NDUFA12: variants seen among roughly 807,000 people sequenced by gnomAD.
NDUFA12 encodes NADH:ubiquinone oxidoreductase subunit A12.
In NDUFA12, 17 loss-of-function variants were observed where a neutral mutation model predicts 20.3. The observed-to-expected ratio is 0.84, with a 90% CI of 0.57 to 1.26. The LOEUF (loss-of-function observed/expected upper bound fraction) is 1.26, where lower values mean the gene tolerates loss of function less well. Among genes scored for constraint, NDUFA12 ranks in the 50% most tolerant of loss-of-function variants. The probability of loss-of-function intolerance (pLI) is 0.00; values close to 1 mark genes in which losing one functional copy is unlikely to be tolerated. For missense variants in NDUFA12, 191 were observed against 183.7 expected (o/e 1.04, Z -0.23); for synonymous variants, 72 against 63.6 (o/e 1.13, Z -0.63).
At chr12:94,984,886 G>A (rs1874366669) in intron 3 of NDUFA12, among the ~76,000 whole-genome samples, 2 of 150,230 alleles carry the variant, frequency 1.3e-5, no homozygotes. Context: ...GCTGAGGCAG[G>A]AGAATTGCTT....
At chr12:94,974,611 T>C (rs1334032889) in intron 3 of NDUFA12, among the ~76,000 whole-genome samples, 2 of 152,100 alleles carry the variant, frequency 1.3e-5, no homozygotes, top group Non-Finnish European at 2.9e-5. Context: ...TGTCAACAGA[T>C]GAATGAGTAA....
At chr12:94,995,834 G>A (rs1874807155) in intron 2 of NDUFA12, among the ~76,000 whole-genome samples, 1 of 152,026 alleles carries the variant, frequency 6.6e-6, no homozygotes, top group Non-Finnish European at 1.5e-5. Context: ...GATAGTAACA[G>A]GATTGAAGAA....
chr12:94,979,094 C>T (rs1164436766), intron 3 of NDUFA12, among the ~76,000 whole-genome samples: 9 of 152,142 alleles, frequency 5.9e-5, no homozygotes, highest in Admixed American at 5.9e-4. Context: ...CTTTAAAAAA[C>T]ATTCCTCTGT....
At chr12:94,981,269 AATAC>A (rs10685216) in intron 3 of NDUFA12, among the ~76,000 whole-genome samples, 307 of 149,084 alleles carry the variant, frequency 2.1e-3, no homozygotes, top group African/African-American at 7.1e-3. Context: ...GTCTCTACTA[AATAC>A]ATACATACAT....
chr12:94,985,736 A>C (rs1874413353), intron 3 of NDUFA12, among the ~76,000 whole-genome samples: 1 of 151,912 alleles, frequency 6.6e-6, no homozygotes, highest in Non-Finnish European at 1.5e-5. Context: ...ATTGTCACTA[A>C]TCATCAGGGA....
At chr12:94,999,901 A>G (rs948231339) in intron 2 of NDUFA12, among the ~76,000 whole-genome samples, 1 of 152,240 alleles carries the variant, frequency 6.6e-6, no homozygotes, top group Non-Finnish European at 1.5e-5. Flanking sequence ...TACAACAACT[A>G]TGGAAAACAG....
intron 3 of NDUFA12, among the ~76,000 whole-genome samples, chr12:94,991,163 G>A (rs1011916640): frequency 6.6e-6 from 1 of 152,032 alleles, no homozygotes. Context: ...CCACATGCCT[G>A]TAGTCCCAGC....
chr12:94,989,032 G>A (rs1188440487), intron 3 of NDUFA12, among the ~76,000 whole-genome samples: 2 of 152,078 alleles, frequency 1.3e-5, no homozygotes, highest in African/African-American at 4.8e-5. Context: ...AACAGACCAA[G>A]CAATACATCT....
At chr12:94,981,380 C>T (rs111809657) in intron 3 of NDUFA12, among the ~76,000 whole-genome samples, 11,061 of 152,180 alleles carry the variant, frequency 0.073, 472 homozygotes, top group Middle Eastern at 0.18. Flanking sequence ...CCCAGGAGGT[C>T]GAGGCTGCAG....
intron 3 of NDUFA12, among the ~76,000 whole-genome samples, chr12:94,988,072 C>CT (rs1192619467): frequency 6.6e-6 from 1 of 152,152 alleles, no homozygotes; most frequent in Non-Finnish European, 1.5e-5. Context: ...TGTTCTACTC[C>CT]TTGTCCAATT....
intron 3 of NDUFA12, chr12:94,971,841 C>T (rs2136056444): frequency 1.4e-6 from 1 of 718,278 alleles, no homozygotes; most frequent in Admixed American, 2.0e-5. Flanking sequence ...ACATAAAGCA[C>T]ATAGAAAAAT....
At chr12:94,993,588 G>A (rs1293824567) in intron 3 of NDUFA12, among the ~76,000 whole-genome samples, 17 of 113,732 alleles carry the variant, frequency 1.5e-4, no homozygotes, top group South Asian at 3.1e-4. Context: ...TCATGCCACT[G>A]CACTCTAGCT....
chr12:94,981,307 G>C (rs1283206456), intron 3 of NDUFA12, among the ~76,000 whole-genome samples: 1 of 151,702 alleles, frequency 6.6e-6, no homozygotes, highest in Non-Finnish European at 1.5e-5. Context: ...CAGTAGCCGG[G>C]CATGGTGGCC....
At chr12:94,971,871 G>C (rs888049128) in intron 3 of NDUFA12, 1 of 669,196 alleles carries the variant, frequency 1.5e-6, no homozygotes, top group East Asian at 2.6e-5. Context: ...TGGCAGATAC[G>C]CAACAAATGT....
At chr12:94,996,324 T>TATACACACAC (rs1555201259) in intron 2 of NDUFA12, among the ~76,000 whole-genome samples, 358 of 141,280 alleles carry the variant, frequency 2.5e-3, no homozygotes, top group East Asian at 9.1e-3. Context: ...CATATATAGG[T>TATACACACAC]ACACACACAC....
intron 3 of NDUFA12, among the ~76,000 whole-genome samples, chr12:94,990,925 G>A (rs1236178219): frequency 2.0e-5 from 3 of 152,180 alleles, no homozygotes; most frequent in East Asian, 3.9e-4. Context: ...CTGTCCAATC[G>A]AGTAGCCTAC....
At chr12:94,995,220 G>A (rs1385633163) in intron 2 of NDUFA12, among the ~76,000 whole-genome samples, 1 of 152,054 alleles carries the variant, frequency 6.6e-6, no homozygotes, top group Non-Finnish European at 1.5e-5. Context: ...TTGACTAACG[G>A]TACTTAAACA....
chr12:94,979,622 G>A (rs1874172158), intron 3 of NDUFA12, among the ~76,000 whole-genome samples: 1 of 151,928 alleles, frequency 6.6e-6, no homozygotes, highest in Non-Finnish European at 1.5e-5. Context: ...CATGAGGCCA[G>A]GAGTTTGAGA....
At chr12:94,980,950 C>A (rs960569029) in intron 3 of NDUFA12, among the ~76,000 whole-genome samples, 1 of 152,012 alleles carries the variant, frequency 6.6e-6, no homozygotes, top group Admixed American at 6.6e-5. Context: ...CCCAAACTTT[C>A]TACTTTTCTA....
Sources: allele counts gnomAD v4.1 joint callset (sites outside exome capture counted in the v4.1 genomes callset), GRCh38; gene constraint gnomAD v4.1.1; transcripts MANE v1.5; gene names NCBI Gene and HGNC (gene_info 2026-07-23, HGNC 2026-07-21).